POLQ: variants seen among roughly 807,000 people sequenced by gnomAD.
The protein encoded by POLQ is epididymis secretory sperm binding protein.
A neutral mutation model predicts 259.2 loss-of-function variants in POLQ; 233 were observed. That is an observed-to-expected ratio of 0.90 (90% CI 0.81 to 1.00). The LOEUF (loss-of-function observed/expected upper bound fraction) is 1.00, where lower values mean the gene tolerates loss of function less well. Among genes scored for constraint, POLQ ranks in the 50% least tolerant of loss-of-function variants. The pLI is 0.00. For missense variants in POLQ, 2,871 were observed against 3,051.6 expected, an observed-to-expected ratio of 0.94 and a Z score of 1.39; for synonymous variants, 1,025 against 1,048.8, an observed-to-expected ratio of 0.98 and a Z score of 0.44.
Position 121,493,502 on chromosome 3 carries a change from AG to A in POLQ, c.2497del (p.Leu833Ter), listed in dbSNP as rs1239875619. 6.2e-7 allele frequency: 1 copy of A among 1,613,390 alleles called. No individual in the cohort carries two copies. The highest frequency in any genetic ancestry group is 1.3e-5 in the African/African-American group (1 of 74,880). On this transcript the variant is annotated frameshift_variant, in exon 15 of 30. Transcript: ENST00000264233. LOFTEE classifies it high-confidence loss of function. ...RANIVEVEVI[L>X]KNAVPFKSAR... is the part of the protein sequence containing the mutation. ...CCTTTTGAAAGGCACAGCATTTTTC[AG>A]AATCACCTCCACCTCCACAATATTT... is the stretch of plus-strand genomic sequence containing the variant.
At chr3:121,499,405 C>T (rs969480045) in intron 12 of POLQ, among the ~76,000 whole-genome samples, 2 of 152,038 alleles carry the variant, frequency 1.3e-5, no homozygotes, top group African/African-American at 2.4e-5. Flanking sequence ...AGGTGAGTGC[C>T]ACCACGTCTG....
At chr3:121,494,285 T>C in intron 14 of POLQ, 6 of 1,596,012 alleles carry the variant, frequency 3.8e-6, no homozygotes, top group Non-Finnish European at 5.1e-6. Context: ...ACGGCCCCGC[T>C]ATATCAGGTT....
chr3:121,490,445 A>C lies in POLQ; in HGVS notation c.2523-37T>G, dbSNP rs1445606099. 2.0e-6 allele frequency: 3 copies of C among 1,532,986 alleles called. No individual in the cohort carries two copies. In the South Asian group the frequency reaches 3.4e-5, roughly 17 times the overall value. 95.0% of individuals were successfully genotyped at this position (1,532,986 alleles called of 1,614,324 possible). ...GATGGGAAAAGACAGAAATGAATTC[A>C]TTCATTCGTAAGGCAAGTATTTATT... On this transcript the variant is annotated intron_variant, in intron 15 of 29. Transcript: ENST00000264233.
At chr3:121,483,682 C>T (rs2047988797) in intron 17 of POLQ, 100 bp from the exon 18 acceptor site, 1 of 865,400 alleles carries the variant, frequency 1.2e-6, no homozygotes, top group Non-Finnish European at 1.7e-6. Context: ...GAAAAAGACT[C>T]AGAAGGCTAA....
intron 25 of POLQ, among the ~76,000 whole-genome samples, chr3:121,457,612 T>C (rs6438632): frequency 0.64 from 97,363 of 151,990 alleles, 31,484 homozygotes; most frequent in East Asian, 0.89. Flanking sequence ...GACATTTATG[T>C]AGCCAAAAGA....
chr3:121,461,187 A>C (rs2047788592), intron 24 of POLQ, among the ~76,000 whole-genome samples: 1 of 152,226 alleles, frequency 6.6e-6, no homozygotes, highest in Non-Finnish European at 1.5e-5. Flanking sequence ...TGAGAAGTAA[A>C]ATGGAATCTC....
At position 121,543,356 on chromosome 3, in the gene POLQ, C is replaced by A. The variant is rs189281520; in HGVS notation, c.343+1371G>T. On this transcript the variant is annotated intron_variant, in intron 2 of 29. Coordinates refer to ENST00000264233, the MANE Select transcript of POLQ (RefSeq NM_199420.4). ...TCTATGTGCCAAAAACTGTTCTGAG[C>A]TTTTATATATGAAATAATTTAATCA... Among the ~76,000 whole-genome samples, 9 of 152,280 alleles carry A rather than the reference C, an allele frequency of 5.9e-5. No individual in the cohort carries two copies. The East Asian group carries it at 1.3e-3, about 23-fold the overall frequency.
chr3:121,434,562 C>T (rs973759575), intron 28 of POLQ, among the ~76,000 whole-genome samples: 18 of 152,260 alleles, frequency 1.2e-4, no homozygotes, highest in African/African-American at 3.9e-4. Flanking sequence ...TGTGTATATA[C>T]ACACATAGTC....
At chr3:121,471,209 G>A (rs1241127020) in intron 22 of POLQ, among the ~76,000 whole-genome samples, 1 of 151,992 alleles carries the variant, frequency 6.6e-6, no homozygotes, top group Non-Finnish European at 1.5e-5. Flanking sequence ...ATCTCAGGAG[G>A]ACCATGAGAT....
intron 3 of POLQ, among the ~76,000 whole-genome samples, chr3:121,540,285 G>C (rs1008732612): frequency 6.6e-6 from 1 of 151,952 alleles, no homozygotes; most frequent in African/African-American, 2.4e-5. Context: ...TAACCCACAG[G>C]GCTAAGGGTT....
At position 121,489,861 on chromosome 3, in the gene POLQ, T is replaced by C; in HGVS notation, c.3070A>G (p.Lys1024Glu). Residue 1024 changes from lysine (K) to glutamate (E), a missense_variant, in exon 16 of 30, where the codon AAA (lysine) becomes GAA (glutamate). Coordinates refer to ENST00000264233, the MANE Select transcript of POLQ (RefSeq NM_199420.4). ...KVVQTFSQKT[K>E]KAPLNFNSEK... is the part of the protein sequence containing the mutation. The stretch of plus-strand genomic sequence containing the variant: ...GAATTGAAATTCAAAGGTGCCTTTT[T>C]TGTTTTCTGTGAAAAAGTCTGAACA... 1 of 1,607,806 alleles carries C rather than the reference T, an allele frequency of 6.2e-7. No homozygotes were observed. Among genetic ancestry groups the C allele is most frequent in the Admixed American group, 1.7e-5 (1 of 58,282 alleles).
chr3:121,436,039 T>C, intron 28 of POLQ, 83 bp downstream of exon 28: 1 of 1,157,210 alleles, frequency 8.6e-7, no homozygotes, highest in Non-Finnish European at 1.2e-6. Context: ...TGTTGAGAAA[T>C]AAAATAAAAA....
rs2048424625 is a variant in POLQ at position 121,533,171 on chromosome 3, T to G, written c.779A>C (p.Gln260Pro). 6.2e-7 allele frequency: 1 copy of G among 1,613,572 alleles called. No individual in the cohort carries two copies. The highest frequency in any genetic ancestry group is 1.7e-5 in the Admixed American group (1 of 59,908). The change falls in exon 6 of 30, where the codon CAA becomes CCA. Residue 260 changes from glutamine (Q) to proline (P), a missense_variant. This residue lies in a region of POLQ where 783 missense variants were observed against 906.2 expected (regional missense o/e 0.86). Transcript: ENST00000264233. ...DLASSLSNAV[Q>P]IVGMSATLPN... ...AAGGGTAGCACTCATGCCAACGATT[T>G]GCACAGCATTAGACAGAGAACTGGC...
Position 121,432,376 on chromosome 3 carries a change from T to C in POLQ, c.7701A>G (p.Lys2567=). The C allele has an allele frequency of 1.2e-6, 2 of 1,610,724 alleles. No individual in the cohort carries two copies. Among genetic ancestry groups the C allele is most frequent in the South Asian group, 2.2e-5 (2 of 90,578 alleles). ...CTTTCACTTTCAATTTCACAGACAG[T>C]TTTACAGCACTTTCCATTTCATTCT... ...IVKNEMESAV[K]LSVKLKVKVK... is the part of the protein sequence containing the mutation. Residue 2567 remains lysine, a synonymous_variant, in exon 30 of 30, where the codon AAA becomes AAG. Transcript: ENST00000264233.
At chr3:121,453,488 T>C (rs1320585850) in intron 25 of POLQ, among the ~76,000 whole-genome samples, 2 of 152,144 alleles carry the variant, frequency 1.3e-5, no homozygotes, top group East Asian at 1.9e-4. Context: ...GTTAAAAACT[T>C]AGAATAAAAT....
At position 121,520,027 on chromosome 3, in the gene POLQ, G is replaced by C. The variant is rs146111884; in HGVS notation, c.1312C>G (p.Arg438Gly). The C allele has an allele frequency of 1.2e-6, 2 of 1,613,316 alleles. No individual in the cohort carries two copies. The highest frequency in any genetic ancestry group is 2.7e-5 in the African/African-American group (2 of 74,862). Reference sequence around the variant, plus strand: ...AGAGTAGAAGTTGCCGCCAAGACCCGAATGAGACCTTGACGAAAGGCTCCT... The same window carrying C: ...AGAGTAGAAGTTGCCGCCAAGACCCCAATGAGACCTTGACGAAAGGCTCCT... ...IEGAFRQGLI[R>G]VLAATSTLSS... is the part of the protein sequence containing the mutation. The change falls in exon 9 of 30, where the codon CGG becomes GGG. Residue 438 changes from arginine (R) to glycine (G), a missense_variant. Around this residue, in one of 3 missense-constraint regions of POLQ, gnomAD observed 783 missense variants for 906.2 expected, o/e 0.86. Coordinates refer to ENST00000264233, the MANE Select transcript of POLQ (RefSeq NM_199420.4).
chr3:121,511,502 G>A (rs1042528278), intron 10 of POLQ, among the ~76,000 whole-genome samples: 9 of 151,636 alleles, frequency 5.9e-5, no homozygotes, highest in Admixed American at 2.6e-4. Flanking sequence ...ATAAAGCACC[G>A]GGCACAGTGG....
At position 121,472,042 on chromosome 3, in the gene POLQ, A is replaced by G; in HGVS notation, c.6666T>C (p.Pro2222=). 1.3e-6 allele frequency: 2 copies of G among 1,579,090 alleles called. No individual in the cohort carries two copies. Among genetic ancestry groups the G allele is most frequent in the Non-Finnish European group, 1.7e-6 (2 of 1,155,768 alleles). ...GATAGATTCTTTCCATTCCAAGAAA[A>G]GGATTAAGACACTTTTCCCGCTGAA... is the stretch of plus-strand genomic sequence containing the variant. ...FPLQREKCLN[P]FLGMERIYPV... Residue 2222 remains proline, a synonymous_variant, in exon 22 of 30, where the codon CCT becomes CCC. Coordinates refer to ENST00000264233, the MANE Select transcript of POLQ (RefSeq NM_199420.4).
At position 121,510,253 on chromosome 3, in the gene POLQ, G is replaced by A; in HGVS notation, c.1612-10C>T. On this transcript the variant is annotated splice_polypyrimidine_tract_variant and intron_variant, in intron 10 of 29. Coordinates refer to ENST00000264233, the MANE Select transcript of POLQ (RefSeq NM_199420.4). ...CTCCACCAACTATTATCTGAAAGAAGATATTTGGAAATTTCTGTAGCTTTT... is the reference window on the plus strand; with the variant it reads ...CTCCACCAACTATTATCTGAAAGAAAATATTTGGAAATTTCTGTAGCTTTT... 3 of 1,595,078 alleles carry A rather than the reference G, an allele frequency of 1.9e-6. No individual in the cohort carries two copies. The highest frequency in any genetic ancestry group is 2.6e-6 in the Non-Finnish European group (3 of 1,163,638).
Sources: allele counts gnomAD v4.1 joint callset (sites outside exome capture counted in the v4.1 genomes callset), GRCh38; gene constraint gnomAD v4.1.1; regional missense constraint gnomAD v4.1.1; transcripts MANE v1.5; gene names NCBI Gene and HGNC (gene_info 2026-07-23, HGNC 2026-07-21).